ARHGAP27: variants seen among roughly 807,000 people sequenced by gnomAD.
ARHGAP27 encodes Rho GTPase activating protein 27, also known as rho GTPase-activating protein 27.
Under a neutral mutation model 102.0 loss-of-function variants are expected in ARHGAP27, and 53 were observed. The ratio of observed to expected loss-of-function variants is 0.52; its 90% CI spans 0.42 to 0.65. ARHGAP27 has a LOEUF of 0.65. Among genes scored for constraint, ARHGAP27 ranks in the 30% least tolerant of loss-of-function variants. The probability of loss-of-function intolerance (pLI) is 0.00; values close to 1 mark genes in which losing one functional copy is unlikely to be tolerated. For missense variants in ARHGAP27, 1,117 were observed against 1,256.2 expected, an observed-to-expected ratio of 0.89 and a Z score of 1.68; for synonymous variants, 525 against 542.8, an observed-to-expected ratio of 0.97 and a Z score of 0.46.
chr17:45,416,765 T>C (rs1466276848), intron 4 of ARHGAP27, among the ~76,000 whole-genome samples: 1 of 150,550 alleles, frequency 6.6e-6, no homozygotes, highest in Non-Finnish European at 1.5e-5. Context: ...GCCAGGCTGG[T>C]CTCAAACTCC....
chr17:45,396,201 C>T lies in ARHGAP27; in HGVS notation c.2251+6G>A, dbSNP rs374691739. On this transcript the variant is annotated splice_donor_region_variant and intron_variant, in intron 17 of 19. Coordinates refer to ENST00000685559, the MANE Select transcript of ARHGAP27 (RefSeq NM_001282290.2). ...CCCTGGGGCAGGGGTTGGGGACGGG[C>T]CTCACCGTGGTCCACCTTATAGCGT... The T allele has an allele frequency of 9.3e-6, 15 of 1,607,166 alleles. No individual in the cohort carries two copies. Among genetic ancestry groups the T allele is most frequent in the Non-Finnish European group, 1.3e-5 (15 of 1,176,042 alleles).
At chr17:45,395,702 C>A (rs922069165) in intron 19 of ARHGAP27, 42 bp downstream of exon 19, 2 of 1,567,570 alleles carry the variant, frequency 1.3e-6, no homozygotes, top group Non-Finnish European at 1.7e-6. Flanking sequence ...GGGCTTCAGC[C>A]GGGACCTGCC....
chr17:45,419,145 AGATG>A (rs1263126013), intron 4 of ARHGAP27, among the ~76,000 whole-genome samples: 1 of 152,196 alleles, frequency 6.6e-6, no homozygotes, highest in African/African-American at 2.4e-5. Context: ...GACGCACTAA[AGATG>A]CCATCACAGG....
At chr17:45,425,540 A>T in intron 4 of ARHGAP27, 2 of 983,080 alleles carry the variant, frequency 2.0e-6, no homozygotes, top group South Asian at 4.7e-5. Flanking sequence ...GCCACCCCCT[A>T]GTCCCCCAGG....
chr17:45,410,341 A>G, intron 4 of ARHGAP27: 1 of 1,446,664 alleles, frequency 6.9e-7, no homozygotes, highest in Non-Finnish European at 9.0e-7. Context: ...TTGGGGGTAG[A>G]GCCCAGGGGC....
intron 12 of ARHGAP27, among the ~76,000 whole-genome samples, chr17:45,402,006 A>G (rs2046492794): frequency 6.6e-6 from 1 of 152,226 alleles, no homozygotes; most frequent in Admixed American, 6.5e-5. Context: ...GGGTAAGAGT[A>G]GTTTAAAAAC....
intron 4 of ARHGAP27, among the ~76,000 whole-genome samples, chr17:45,424,720 C>T (rs1018592811): frequency 6.6e-6 from 1 of 151,930 alleles, no homozygotes; most frequent in Non-Finnish European, 1.5e-5. Flanking sequence ...GTACAGTGCA[C>T]ACCAGTCGGG....
chr17:45,405,179 AG>A (rs1311513163), intron 5 of ARHGAP27, 73 bp from the exon 6 acceptor site: 9 of 1,472,226 alleles, frequency 6.1e-6, no homozygotes, highest in African/African-American at 1.4e-5. Flanking sequence ...GTTTTGGACC[AG>A]GCCCACCCCC....
Position 45,404,534 on chromosome 17 carries a change from G to A in ARHGAP27, c.1330-6C>T. The A allele has an allele frequency of 6.2e-7, 1 of 1,613,238 alleles. No individual in the cohort carries two copies. Among genetic ancestry groups the A allele is most frequent in the Non-Finnish European group, 8.5e-7 (1 of 1,179,708 alleles). On this transcript the variant is annotated splice_region_variant and splice_polypyrimidine_tract_variant and intron_variant, in intron 7 of 19. Coordinates refer to ENST00000685559, the MANE Select transcript of ARHGAP27 (RefSeq NM_001282290.2). ...CGAGGGGCAGGGACAGGGACCTGGG[G>A]AGAAAGACACAGTCGTATATGATCT...
In ARHGAP27 at chr17:45,406,083, C is replaced by T. The variant is rs1366489535; in HGVS notation, c.658G>A (p.Val220Met). The T allele has an allele frequency of 2.6e-6, 4 of 1,513,474 alleles. No individual in the cohort carries two copies. The highest frequency in any genetic ancestry group is 2.6e-6 in the Non-Finnish European group (3 of 1,132,546). The allele number at this position is 1,513,474 out of a possible 1,614,324, so 93.8% of individuals were successfully genotyped here. The change falls in exon 5 of 20, where the codon GTG (valine) becomes ATG (methionine). Residue 220 changes from valine to methionine, a missense_variant and splice_region_variant. Physicochemically the swap from Val to Met is conservative, Grantham distance 21. Coordinates refer to ENST00000685559, the MANE Select transcript of ARHGAP27 (RefSeq NM_001282290.2). ...TACACGGGCTCCGGTGGGTCGTCCA[C>T]CTGCGGGAGGAGAAAGGAGGAATTT... ...VPPPEESAEQ[V>M]DDPPEPVYAN...
rs2045328750 is a variant in ARHGAP27 at position 45,393,991 on chromosome 17, T to TAAGAG, written c.*1464_*1465insCTCTT. 1 of 152,700 alleles carries TAAGAG rather than the reference T, an allele frequency of 6.5e-6. No individual in the cohort carries two copies. The highest frequency in any genetic ancestry group is 1.5e-5 in the Non-Finnish European group (1 of 68,050). The allele number at this position is 152,700 out of a possible 1,614,324, so 9.5% of individuals were successfully genotyped here. ...ATTTAGACATATGGTATGAGGCCCC[T>TAAGAG]GTGTGTACTCTTGCCCTGGCCCTGT... On this transcript the variant is annotated 3_prime_UTR_variant, in exon 20 of 20. Coordinates refer to ENST00000685559, the MANE Select transcript of ARHGAP27 (RefSeq NM_001282290.2).
At chr17:45,405,405 C>T (rs2144529806) in intron 5 of ARHGAP27, among the ~76,000 whole-genome samples, 1 of 151,296 alleles carries the variant, frequency 6.6e-6, no homozygotes, top group African/African-American at 2.4e-5. Flanking sequence ...CCCACCCATC[C>T]TGCCCCACCC....
Position 45,396,475 on chromosome 17 carries a change from C to T in ARHGAP27, c.2173+12G>A, listed in dbSNP as rs1379864924. ...CCAATGCCTGCCGCCCTCACCCCCGCAGCGCACGTACCGCGGGCCTCGACG... is the reference window on the plus strand; with the variant it reads ...CCAATGCCTGCCGCCCTCACCCCCGTAGCGCACGTACCGCGGGCCTCGACG... On this transcript the variant is annotated intron_variant, in intron 16 of 19. Transcript: ENST00000685559. The T allele has an allele frequency of 2.1e-5, 32 of 1,524,322 alleles. No individual in the cohort carries two copies. Among genetic ancestry groups the T allele is most frequent in the Non-Finnish European group, 2.6e-5 (30 of 1,140,522 alleles). 94.4% of individuals were successfully genotyped at this position (1,524,322 alleles called of 1,614,324 possible).
intron 4 of ARHGAP27, chr17:45,410,289 C>T: frequency 6.5e-7 from 1 of 1,529,422 alleles, no homozygotes; most frequent in Non-Finnish European, 8.7e-7. Context: ...TGTCCACCAT[C>T]CTGGCCCCTC....
chr17:45,396,389 G>T, intron 16 of ARHGAP27, 98 bp downstream of exon 16: 1 of 1,468,190 alleles, frequency 6.8e-7, no homozygotes, highest in Non-Finnish European at 9.0e-7. Flanking sequence ...CTTTCCCCCT[G>T]GACCCTGCGT....
Position 45,396,249 on chromosome 17 carries a change from T to C in ARHGAP27, c.2209A>G (p.Asn737Asp). The C allele has an allele frequency of 1.2e-6, 2 of 1,613,582 alleles. No individual in the cohort carries two copies. The highest frequency in any genetic ancestry group is 1.7e-6 in the Non-Finnish European group (2 of 1,179,760). The change falls in exon 17 of 20, where the codon AAC (asparagine) becomes GAC (aspartate). Residue 737 changes from asparagine (N) to aspartate (D), a missense_variant. By Grantham distance (23) the Asn-to-Asp change is conservative. Transcript: ENST00000685559. ...CGTAGCTTCTGGATGGTGGCCAGGT[T>C]TCCACTGATGCGGTACAGCCCGTCG... The part of the protein sequence containing the change: ...DIDGLYRISG[N>D]LATIQKLRYK...
intron 4 of ARHGAP27, among the ~76,000 whole-genome samples, chr17:45,418,410 C>A (rs920251237): frequency 1.3e-5 from 2 of 151,234 alleles, no homozygotes; most frequent in Non-Finnish European, 2.9e-5. Flanking sequence ...GTTGAGGCTG[C>A]AGTGAGCCGT....
chr17:45,428,361 G>A (rs753105750), intron 4 of ARHGAP27, among the ~76,000 whole-genome samples: 3 of 152,268 alleles, frequency 2.0e-5, no homozygotes, highest in Admixed American at 6.5e-5. Context: ...GCCTTACCTC[G>A]TTTAAGGCTC....
At chr17:45,416,138 C>T (rs71373560) in intron 4 of ARHGAP27, among the ~76,000 whole-genome samples, 21,129 of 151,862 alleles carry the variant, frequency 0.14, 1,754 homozygotes, top group Middle Eastern at 0.23. Context: ...CTCCGCCTCC[C>T]GGGTTCACGC....
Sources: allele counts gnomAD v4.1 joint callset (sites outside exome capture counted in the v4.1 genomes callset), GRCh38; gene constraint gnomAD v4.1.1; transcripts MANE v1.5; gene names NCBI Gene and HGNC (gene_info 2026-07-23, HGNC 2026-07-21).